The following DAB1 variants were observed in gnomAD, a reference collection of about 807,000 sequenced individuals.
DAB1 encodes the protein DAB adaptor protein 1.
In DAB1, 15 loss-of-function variants were observed where a neutral mutation model predicts 64.6. That is an observed-to-expected ratio of 0.23 (90% CI 0.16 to 0.36). The LOEUF (loss-of-function observed/expected upper bound fraction) is 0.36. Among genes scored for constraint, DAB1 ranks in the 10% least tolerant of loss-of-function variants. The probability of loss-of-function intolerance (pLI) is 1.00; values close to 1 mark genes in which losing one functional copy is unlikely to be tolerated. For synonymous variants in DAB1, 235 were observed against 251.9 expected, an observed-to-expected ratio of 0.93 and a Z score of 0.64; for missense variants, 596 against 706.7, an observed-to-expected ratio of 0.84 and a Z score of 1.78.
intron 5 of DAB1, among the ~76,000 whole-genome samples, chr1:57,952,953 T>C (rs931733079): frequency 8.5e-5 from 13 of 152,184 alleles, no homozygotes; most frequent in African/African-American, 3.1e-4. Flanking sequence ...TTCCCTATTG[T>C]TCTATTTCCA....
At chr1:58,545,850 T>C (rs729084) in intron 1 of DAB1, among the ~76,000 whole-genome samples, 2,238 of 152,236 alleles carry the variant, frequency 0.015, 47 homozygotes, top group East Asian at 0.12. Flanking sequence ...AGTACACACA[T>C]GATGGAAGGC....
At chr1:57,842,530 G>GA (rs568246530) in intron 1 of DAB1, among the ~76,000 whole-genome samples, 149 of 151,226 alleles carry the variant, frequency 9.9e-4, no homozygotes, top group South Asian at 2.9e-3. Flanking sequence ...ATTTATGAAT[G>GA]AAAAAAAAAG....
At chr1:57,789,950 G>A (rs907926024) in intron 6 of DAB1, among the ~76,000 whole-genome samples, 3 of 152,094 alleles carry the variant, frequency 2.0e-5, no homozygotes, top group Admixed American at 6.5e-5. Flanking sequence ...ACCACACTGA[G>A]CCCTGTCAAG....
intron 2 of DAB1, among the ~76,000 whole-genome samples, chr1:57,173,239 C>A (rs900366759): frequency 1.3e-5 from 2 of 152,058 alleles, no homozygotes; most frequent in African/African-American, 4.8e-5. Context: ...GAGAAAGAAG[C>A]AGATGAGGGA....
At chr1:58,513,858 G>A (rs1350288900) in intron 2 of DAB1, among the ~76,000 whole-genome samples, 1 of 152,178 alleles carries the variant, frequency 6.6e-6, no homozygotes, top group Non-Finnish European at 1.5e-5. Context: ...GATCCATGGT[G>A]ACTACATAAC....
chr1:58,139,244 A>T (rs937937228), intron 5 of DAB1, among the ~76,000 whole-genome samples: 1 of 152,100 alleles, frequency 6.6e-6, no homozygotes, highest in Non-Finnish European at 1.5e-5. Flanking sequence ...CCCCATGGCC[A>T]ATGTGATCAA....
chr1:57,731,172 C>T (rs1647396460), intron 6 of DAB1, among the ~76,000 whole-genome samples: 2 of 152,134 alleles, frequency 1.3e-5, no homozygotes, highest in Non-Finnish European at 2.9e-5. Flanking sequence ...CAAGCTACTA[C>T]ATAGATGAAC....
At chr1:57,922,064 C>A (rs1206260905) in intron 5 of DAB1, among the ~76,000 whole-genome samples, 7 of 152,322 alleles carry the variant, frequency 4.6e-5, no homozygotes, top group Non-Finnish European at 7.3e-5. Flanking sequence ...TCCTCCTCAC[C>A]TTTACAAAAT....
chr1:57,044,654 C>A (rs181060616), intron 9 of DAB1, among the ~76,000 whole-genome samples: 1 of 152,176 alleles, frequency 6.6e-6, no homozygotes, highest in Non-Finnish European at 1.5e-5. Context: ...TTTACTCACA[C>A]GTTTGCTATA....
chr1:57,698,342 C>G (rs1646869803), intron 6 of DAB1, among the ~76,000 whole-genome samples: 2 of 151,468 alleles, frequency 1.3e-5, no homozygotes, highest in African/African-American at 4.9e-5. Context: ...AAGAAATCCT[C>G]CTGTGTTGGC....
In DAB1 at chr1:57,100,312, T is replaced by C. The variant is rs530810726; in HGVS notation, c.307-27898A>G. On this transcript the variant is annotated intron_variant, in intron 4 of 14. Coordinates refer to ENST00000371236, the MANE Select transcript of DAB1 (RefSeq NM_001365792.1). ...ATACTGTTGTTGTTATTGTTGTTTTTCAGATATTAGTACATATCCAAAGAG... is the reference window on the plus strand; with the variant it reads ...ATACTGTTGTTGTTATTGTTGTTTTCCAGATATTAGTACATATCCAAAGAG... Among the ~76,000 whole-genome samples, 1,272 of 132,722 alleles carry C rather than the reference T, an allele frequency of 9.6e-3. 7 individuals carry two copies. Among genetic ancestry groups the C allele is most frequent in the Non-Finnish European group, 0.014 (914 of 66,548 alleles). 87.1% of individuals were successfully genotyped at this position (132,722 alleles called of 152,430 possible).
intron 6 of DAB1, among the ~76,000 whole-genome samples, chr1:57,743,505 A>G (rs1648102756): frequency 6.6e-6 from 1 of 152,210 alleles, no homozygotes; most frequent in East Asian, 1.9e-4. Context: ...TGAAATAAAC[A>G]GCCATGTTGC....
chr1:57,895,883 C>A (rs746400300), intron 5 of DAB1, among the ~76,000 whole-genome samples: 1 of 152,134 alleles, frequency 6.6e-6, no homozygotes, highest in African/African-American at 2.4e-5. Context: ...TATAACTTTA[C>A]AGCCTGTGAA....
chr1:57,193,381 G>GTTTTGTTTTTTT (rs1664319301), intron 2 of DAB1, among the ~76,000 whole-genome samples: 1 of 83,060 alleles, frequency 1.2e-5, no homozygotes, highest in Non-Finnish European at 2.2e-5. Context: ...CGTAGCATAT[G>GTTTTGTTTTTTT]TTTTTTTTTT....
In DAB1 at chr1:57,138,595, C is replaced by T. The variant is rs528582437; in HGVS notation, c.208-1954G>A. Among the ~76,000 whole-genome samples, 25 of 152,280 alleles carry T rather than the reference C, an allele frequency of 1.6e-4. 1 individual carries two copies. The highest frequency in any genetic ancestry group is 3.9e-4 in the Admixed American group (6 of 15,276). ...GTTCTCTGTCTCTTCAATCCCTCCCCGCATTCAATGGTTTCTAGATTGCTC... is the reference window on the plus strand; with the variant it reads ...GTTCTCTGTCTCTTCAATCCCTCCCTGCATTCAATGGTTTCTAGATTGCTC... On this transcript the variant is annotated intron_variant, in intron 3 of 14. Transcript: ENST00000371236.
intron 6 of DAB1, among the ~76,000 whole-genome samples, chr1:57,733,188 T>C (rs1647521654): frequency 6.6e-6 from 1 of 152,116 alleles, no homozygotes. Flanking sequence ...AACTACCCTA[T>C]TTAAAATTGC....
At chr1:57,773,671 AATTT>A (rs1346576218) in intron 6 of DAB1, among the ~76,000 whole-genome samples, 5 of 152,138 alleles carry the variant, frequency 3.3e-5, no homozygotes, top group Non-Finnish European at 7.4e-5. Flanking sequence ...CATTTCAAGT[AATTT>A]AAGTGTATGA....
At chr1:57,452,544 G>T (rs1193189778) in intron 7 of DAB1, among the ~76,000 whole-genome samples, 1 of 152,024 alleles carries the variant, frequency 6.6e-6, no homozygotes, top group Non-Finnish European at 1.5e-5. Flanking sequence ...TTTTATCTCT[G>T]CCCCAGGGAT....
chr1:58,402,688 C>T (rs12117691), intron 3 of DAB1, among the ~76,000 whole-genome samples: 27,967 of 151,840 alleles, frequency 0.18, 3,349 homozygotes, highest in Non-Finnish European at 0.26. Context: ...TCATTTGTAT[C>T]GGATCCAGAA....
Sources: gnomAD v4.1 joint callset for allele counts (sites outside exome capture counted in the v4.1 genomes callset) on GRCh38, gnomAD v4.1.1 for gene constraint, MANE v1.5 for transcripts, NCBI Gene and HGNC (gene_info 2026-07-23, HGNC 2026-07-21) for gene names.